Variants in LTBP1 observed in about 807,000 individuals in gnomAD.
The protein encoded by LTBP1 is latent-transforming growth factor beta-binding protein 1.
In LTBP1, 129 loss-of-function variants were observed where a neutral mutation model predicts 207.6. The observed-to-expected ratio is 0.62, with a 90% CI of 0.54 to 0.72. The LOEUF is 0.72. LTBP1 is among the 30% of genes least tolerant of loss of function. The pLI is 0.00. For missense variants in LTBP1, 2,281 were observed against 2,217.2 expected (o/e 1.03, Z -0.58); for synonymous variants, 963 against 833.7 (o/e 1.16, Z -2.67).
In LTBP1 at chr2:33,354,721, CA is replaced by C. The variant is rs1379534146; in HGVS notation, c.4001-5875del. Among the ~76,000 whole-genome samples the C allele has an allele frequency of 9.8e-3, 1,355 of 137,814 alleles. 12 individuals are homozygous for C. The highest frequency in any genetic ancestry group is 0.026 in the African/African-American group (1,018 of 38,422). 90.4% of individuals were successfully genotyped at this position (137,814 alleles called of 152,430 possible). A position where few individuals can be genotyped will look rare whatever the true frequency, so the allele number is the denominator to read the frequency against. On this transcript the variant is annotated intron_variant, in intron 26 of 33. Coordinates refer to ENST00000404816, the MANE Select transcript of LTBP1 (RefSeq NM_206943.4). ...ACACACACACACACACACACACACA[CA>C]CACACACCATTGTATCTTCATTTAT...
intron 26 of LTBP1, among the ~76,000 whole-genome samples, chr2:33,353,275 G>A (rs951754078): frequency 2.0e-5 from 3 of 152,192 alleles, no homozygotes; most frequent in Admixed American, 6.5e-5. Context: ...CACTGTGCCC[G>A]TCTTCTTGTT....
chr2:33,363,528 AG>A lies in LTBP1; in HGVS notation c.4399+15del. The A allele has an allele frequency of 6.2e-7, 1 of 1,613,514 alleles. No homozygotes were observed. Among genetic ancestry groups the A allele is most frequent in the Non-Finnish European group, 8.5e-7 (1 of 1,179,568 alleles). On this transcript the variant is annotated intron_variant, in intron 29 of 33. Transcript: ENST00000404816. ...AAACTGCAGTGCTTTGGTAAGCTTT[AG>A]GGGGATATAGTATGGTGTACTGTGA... is the stretch of plus-strand genomic sequence containing the variant.
At chr2:33,122,179 C>G (rs577152926) in intron 4 of LTBP1, among the ~76,000 whole-genome samples, 7 of 150,732 alleles carry the variant, frequency 4.6e-5, no homozygotes, top group Admixed American at 6.6e-5. Flanking sequence ...GAGCTTCGTT[C>G]GAGAGGAATT....
In LTBP1 at chr2:33,119,709, C is replaced by T. The variant is rs184114603; in HGVS notation, c.1033+8958C>T. ...GTAGGCTGGGACTACAGGCGCCTGC[C>T]ACCACGCCTGGCTAATTTTTTTGTA... On this transcript the variant is annotated intron_variant, in intron 4 of 33. Coordinates refer to ENST00000404816, the MANE Select transcript of LTBP1 (RefSeq NM_206943.4). Among the ~76,000 whole-genome samples the T allele has an allele frequency of 5.5e-4, 83 of 152,286 alleles. No homozygotes were observed. In the East Asian group the frequency reaches 0.012, roughly 22 times the overall value.
At chr2:33,345,170 T>G (rs971511727) in intron 25 of LTBP1, among the ~76,000 whole-genome samples, 1 of 152,242 alleles carries the variant, frequency 6.6e-6, no homozygotes, top group Non-Finnish European at 1.5e-5. Context: ...TACTCATCCT[T>G]CAGCTATTTG....
intron 5 of LTBP1, among the ~76,000 whole-genome samples, chr2:33,170,769 G>A (rs953002865): frequency 6.1e-4 from 93 of 152,158 alleles, no homozygotes; most frequent in African/African-American, 2.0e-3. Context: ...CCCAGTAGGG[G>A]CAGACTGACA....
At chr2:33,384,852 G>C (rs1483506850) in intron 31 of LTBP1, among the ~76,000 whole-genome samples, 1 of 152,100 alleles carries the variant, frequency 6.6e-6, no homozygotes, top group African/African-American at 2.4e-5. Context: ...GCTGTAATGG[G>C]TTCTGCTTGT....
chr2:33,271,570 A>T (rs1445220743), intron 15 of LTBP1, among the ~76,000 whole-genome samples: 1 of 152,148 alleles, frequency 6.6e-6, no homozygotes, highest in Non-Finnish European at 1.5e-5. Context: ...TTTTAGGTAC[A>T]TACAAGTTAT....
At position 33,053,073 on chromosome 2, in the gene LTBP1, G is replaced by A. The variant is rs1433257784; in HGVS notation, c.863+31867G>A. On this transcript the variant is annotated intron_variant, in intron 3 of 33. Coordinates refer to ENST00000404816, the MANE Select transcript of LTBP1 (RefSeq NM_206943.4). ...TTTAATCGAGACGGGGTTTCACTAT[G>A]TTGGTCAGGCTCGTCTTGAACTCCT... 4.6e-5 allele frequency among the ~76,000 whole-genome samples: 7 copies of A among 152,230 alleles called. No homozygotes were observed. The East Asian group carries it at 1.4e-3, about 29-fold the overall frequency.
At chr2:33,188,427 C>CAAAAAAAA (rs577171233) in intron 6 of LTBP1, 150 bp from the exon 7 acceptor site, 64,672 of 337,206 alleles carry the variant, frequency 0.19, 7,218 homozygotes, top group Admixed American at 0.23. Flanking sequence ...AACTCCATCT[C>CAAAAAAAA]AAAAAAAAAA....
intron 27 of LTBP1, among the ~76,000 whole-genome samples, chr2:33,361,136 C>G (rs1388552291): frequency 6.6e-6 from 1 of 152,130 alleles, no homozygotes; most frequent in Non-Finnish European, 1.5e-5. Context: ...CTTACTAAAC[C>G]TTTAAGATAC....
At chr2:32,961,004 C>T (rs943086190) in intron 2 of LTBP1, among the ~76,000 whole-genome samples, 2 of 152,144 alleles carry the variant, frequency 1.3e-5, no homozygotes, top group Admixed American at 6.5e-5. Flanking sequence ...TACTATAAAA[C>T]ACGAGTGCAT....
chr2:33,371,851 C>G (rs2150214736), intron 31 of LTBP1, among the ~76,000 whole-genome samples: 1 of 152,326 alleles, frequency 6.6e-6, no homozygotes, highest in Non-Finnish European at 1.5e-5. Flanking sequence ...CAAAAATAAA[C>G]AACTCATAAG....
intron 26 of LTBP1, among the ~76,000 whole-genome samples, chr2:33,349,715 A>C (rs568904227): frequency 6.6e-6 from 1 of 152,368 alleles, no homozygotes; most frequent in South Asian, 2.1e-4. Context: ...TACTGAATCA[A>C]CTTTATCTAA....
intron 3 of LTBP1, among the ~76,000 whole-genome samples, chr2:33,094,588 A>G (rs1036738309): frequency 4.6e-5 from 7 of 152,236 alleles, no homozygotes; most frequent in African/African-American, 1.7e-4. Flanking sequence ...CTAGACCATT[A>G]TCACATGAGT....
chr2:33,134,890 GAACACC>G lies in LTBP1; in HGVS notation c.1133_1138del (p.Asn378_Thr379del). On this transcript the variant is annotated inframe_deletion, in exon 5 of 34. Transcript: ENST00000404816. The surrounding 1 kb of genome is among the most constrained non-coding windows in gnomAD (Gnocchi z 4.4). ...GCTGTCAGAACAGCTGTGAGAAGGGGAACACCACCACTCTCATTAGTGAGAATGGTC... is the reference window on the plus strand; with the variant it reads ...GCTGTCAGAACAGCTGTGAGAAGGGGACCACTCTCATTAGTGAGAATGGTC... 6.2e-7 allele frequency: 1 copy of G among 1,613,994 alleles called. No homozygotes were observed. The highest frequency in any genetic ancestry group is 1.3e-5 in the African/African-American group (1 of 74,988).
intron 9 of LTBP1, among the ~76,000 whole-genome samples, chr2:33,227,033 C>T (rs2091478857): frequency 6.8e-6 from 1 of 146,140 alleles, no homozygotes. Flanking sequence ...ATCATTTTAC[C>T]TTTTTTTTTT....
chr2:33,378,432 A>G (rs1019156016), intron 31 of LTBP1, among the ~76,000 whole-genome samples: 1 of 151,946 alleles, frequency 6.6e-6, no homozygotes, highest in Non-Finnish European at 1.5e-5. Flanking sequence ...GGGTTTCACC[A>G]TGTTGCCCAG....
intron 32 of LTBP1, among the ~76,000 whole-genome samples, chr2:33,396,635 A>G (rs963955232): frequency 6.6e-6 from 1 of 152,220 alleles, no homozygotes; most frequent in Admixed American, 6.5e-5. Context: ...TTCCGTAGCC[A>G]GAGCAAACAA....
Sources: allele counts gnomAD v4.1 joint callset (sites outside exome capture counted in the v4.1 genomes callset), GRCh38; gene constraint gnomAD v4.1.1; non-coding constraint Gnocchi (gnomAD v3.1); transcripts MANE v1.5; gene names NCBI Gene and HGNC (gene_info 2026-07-23, HGNC 2026-07-21).